NFU1: variants seen among roughly 807,000 people sequenced by gnomAD.
NFU1 encodes the protein NFU1 iron-sulfur cluster scaffold.
In NFU1, 30 loss-of-function variants were observed where a neutral mutation model predicts 32.2. The observed-to-expected ratio is 0.93, with a 90% CI of 0.70 to 1.26. NFU1 has a LOEUF of 1.26. Ranked by LOEUF, NFU1 falls within the 50% of genes most tolerant of loss-of-function variation. The probability of loss-of-function intolerance (pLI) is 0.00; values close to 1 mark genes in which losing one functional copy is unlikely to be tolerated. For missense variants in NFU1, 306 were observed against 306.6 expected (o/e 1.00, Z 0.02); for synonymous variants, 112 against 104.6 (o/e 1.07, Z -0.43).
intron 1 of NFU1, among the ~76,000 whole-genome samples, chr2:69,432,574 C>T (rs1426178272): frequency 2.8e-5 from 4 of 140,494 alleles, no homozygotes; most frequent in Non-Finnish European, 6.2e-5. Flanking sequence ...AACTCTACCT[C>T]AAAAAAAAAA....
rs779690000 is a variant in NFU1 at position 69,437,378 on chromosome 2, G to A, written c.45C>T (p.Ala15=). The A allele has an allele frequency of 1.9e-6, 3 of 1,608,790 alleles. No individual in the cohort carries two copies. Among genetic ancestry groups the A allele is most frequent in the South Asian group, 2.2e-5 (2 of 90,868 alleles). ...ARRGWGAAAV[A]AGLRRRFCHM... ...TCACCTACCGCCTGCGCAGCCCGGC[G>A]GCAACAGCCGCAGCTCCCCAGCCCC... Residue 15 remains alanine (A), a synonymous_variant, in exon 1 of 8, where the codon GCC becomes GCT. Transcript: ENST00000410022.
At chr2:69,438,375 T>C (rs1317338207), upstream of NFU1, among the ~76,000 whole-genome samples, 1 of 151,894 alleles carries the variant, frequency 6.6e-6, no homozygotes, top group Non-Finnish European at 1.5e-5. Context: ...AGCCTCAGCC[T>C]CCCAAAGCAC....
chr2:69,434,563 T>G (rs1487316876), intron 1 of NFU1, among the ~76,000 whole-genome samples: 1 of 152,222 alleles, frequency 6.6e-6, no homozygotes, highest in Non-Finnish European at 1.5e-5. Flanking sequence ...AAAAGGAGAC[T>G]TTAATAGTAA....
chr2:69,436,139 G>A (rs60609867), intron 1 of NFU1, among the ~76,000 whole-genome samples: 3 of 152,112 alleles, frequency 2.0e-5, no homozygotes, highest in Non-Finnish European at 4.4e-5. Context: ...ATTAAGGGGA[G>A]AAACTATCTT....
chr2:69,407,492 T>C (rs146314641), intron 5 of NFU1, among the ~76,000 whole-genome samples: 1,438 of 139,882 alleles, frequency 0.01, 14 homozygotes, highest in Non-Finnish European at 0.016. Flanking sequence ...GCCTGGCCAA[T>C]AGGGCAAAAC....
upstream of NFU1, chr2:69,437,713 T>C (rs1180268174): frequency 1.8e-6 from 1 of 545,070 alleles, no homozygotes; most frequent in East Asian, 3.2e-5. Flanking sequence ...GGCTAGGTTT[T>C]TAGCTGGTGC....
intron 1 of NFU1, among the ~76,000 whole-genome samples, chr2:69,437,000 AGAG>A (rs946634204): frequency 6.6e-6 from 1 of 152,222 alleles, no homozygotes; most frequent in African/African-American, 2.4e-5. Context: ...TGCGTTTAGA[AGAG>A]GAGGGAATGC....
At chr2:69,426,774 T>G (rs955415197) in intron 2 of NFU1, among the ~76,000 whole-genome samples, 1 of 151,984 alleles carries the variant, frequency 6.6e-6, no homozygotes, top group Admixed American at 6.6e-5. Context: ...TTATTCATTA[T>G]GAATAATCAT....
chr2:69,423,346 C>A (rs1673330174), intron 3 of NFU1, among the ~76,000 whole-genome samples: 1 of 150,854 alleles, frequency 6.6e-6, no homozygotes, highest in Admixed American at 6.7e-5. Flanking sequence ...TCTCAAACTC[C>A]TGGACTCAAG....
At chr2:69,419,485 C>A (rs1673169902) in intron 4 of NFU1, 53 bp downstream of exon 4, 1 of 936,576 alleles carries the variant, frequency 1.1e-6, no homozygotes, top group Non-Finnish European at 1.7e-6. Context: ...GCATTGGACT[C>A]AGAAAAAAAT....
upstream of NFU1, chr2:69,437,664 G>A (rs145353669): frequency 1.3e-5 from 8 of 610,516 alleles, no homozygotes; most frequent in Non-Finnish European, 2.3e-5. Flanking sequence ...ACGCAGCACT[G>A]TGAACGCATG....
intron 1 of NFU1, among the ~76,000 whole-genome samples, chr2:69,434,231 G>A (rs986475253): frequency 6.7e-6 from 1 of 150,024 alleles, no homozygotes. Context: ...TGCAACCTCC[G>A]CCTCCTGGGT....
intron 2 of NFU1, among the ~76,000 whole-genome samples, chr2:69,425,129 C>T (rs564995764): frequency 2.8e-4 from 42 of 152,056 alleles, no homozygotes; most frequent in African/African-American, 9.4e-4. Flanking sequence ...CTGCCCGCCT[C>T]GGCCTCACAA....
chr2:69,435,046 G>C (rs1239395480), intron 1 of NFU1, among the ~76,000 whole-genome samples: 2 of 152,176 alleles, frequency 1.3e-5, no homozygotes, highest in East Asian at 3.9e-4. Context: ...GAGTAATTGG[G>C]GAAGTTGCAA....
At chr2:69,407,829 A>G (rs182074334) in intron 5 of NFU1, among the ~76,000 whole-genome samples, 7 of 151,998 alleles carry the variant, frequency 4.6e-5, no homozygotes, top group African/African-American at 1.7e-4. Context: ...CCTGGCCAAC[A>G]TGGTAAAACC....
intron 5 of NFU1, among the ~76,000 whole-genome samples, chr2:69,408,829 A>G (rs1331329296): frequency 1.5e-5 from 2 of 137,302 alleles, no homozygotes; most frequent in East Asian, 4.2e-4. Flanking sequence ...ATAAATTCCT[A>G]CTGGTGGGAT....
At chr2:69,415,086 A>C in intron 5 of NFU1, 99 bp downstream of exon 5, 1 of 710,142 alleles carries the variant, frequency 1.4e-6, no homozygotes, top group Non-Finnish European at 2.5e-6. Context: ...AAATGATAGA[A>C]ATCTAGATTC....
At chr2:69,433,584 T>C (rs1673724278) in intron 1 of NFU1, among the ~76,000 whole-genome samples, 1 of 151,976 alleles carries the variant, frequency 6.6e-6, no homozygotes, top group African/African-American at 2.4e-5. Context: ...CAAGTGATTC[T>C]CTTGCCTCAG....
intron 6 of NFU1, among the ~76,000 whole-genome samples, chr2:69,405,807 AAT>A (rs1672676085): frequency 6.6e-6 from 1 of 152,184 alleles, no homozygotes; most frequent in Non-Finnish European, 1.5e-5. Context: ...TTCTTCATTG[AAT>A]ATGTTTAAAT....
Sources: allele counts gnomAD v4.1 joint callset (sites outside exome capture counted in the v4.1 genomes callset), GRCh38; gene constraint gnomAD v4.1.1; transcripts MANE v1.5; gene names NCBI Gene and HGNC (gene_info 2026-07-23, HGNC 2026-07-21).